The following B3GALT1 variants were observed in gnomAD, a reference collection of about 807,000 sequenced individuals.
B3GALT1 encodes beta-1,3-galactosyltransferase 1, also known as UDP-Gal:betaGlcNAc beta 1,3-galactosyltransferase, polypeptide 1.
In B3GALT1, 10 loss-of-function variants were observed where a neutral mutation model predicts 23.2. That is an observed-to-expected ratio of 0.43 (90% CI 0.27 to 0.73). The LOEUF (loss-of-function observed/expected upper bound fraction) is 0.73. B3GALT1 is among the 30% of genes least tolerant of loss of function. B3GALT1 has a pLI of 0.21. For missense variants in B3GALT1, 299 were observed against 405.4 expected (o/e 0.74, Z 2.25); for synonymous variants, 156 against 141.5 (o/e 1.10, Z -0.73).
chr2:167,444,970 T>C (rs1218713888), intron 1 of B3GALT1, among the ~76,000 whole-genome samples: 4 of 152,234 alleles, frequency 2.6e-5, no homozygotes, highest in African/African-American at 7.2e-5. Context: ...GTGTCAATTT[T>C]AGATCTTTCC....
At chr2:167,606,709 GC>G (rs1558922418) in intron 2 of B3GALT1, among the ~76,000 whole-genome samples, 1 of 152,162 alleles carries the variant, frequency 6.6e-6, no homozygotes, top group East Asian at 1.9e-4. Context: ...AAAGATTGGG[GC>G]AAACTTAAAG....
intron 2 of B3GALT1, among the ~76,000 whole-genome samples, chr2:167,633,682 A>G (rs1377524374): frequency 1.3e-5 from 2 of 152,094 alleles, no homozygotes; most frequent in African/African-American, 2.4e-5. Flanking sequence ...CCAGATTCAT[A>G]AAGCAAGTTC....
intron 3 of B3GALT1, among the ~76,000 whole-genome samples, chr2:167,801,615 T>A (rs924106462): frequency 2.0e-5 from 3 of 152,214 alleles, no homozygotes; most frequent in Non-Finnish European, 4.4e-5. Context: ...TAGCAAATAA[T>A]GCATTATTAA....
At chr2:167,744,516 C>T (rs1399537937) in intron 3 of B3GALT1, among the ~76,000 whole-genome samples, 1 of 151,916 alleles carries the variant, frequency 6.6e-6, no homozygotes, top group Non-Finnish European at 1.5e-5. Context: ...TCAGCTTTTC[C>T]TTGGTTAATA....
At chr2:167,841,742 C>T in intron 4 of B3GALT1, among the ~76,000 whole-genome samples, 1 of 152,098 alleles carries the variant, frequency 6.6e-6, no homozygotes, top group East Asian at 1.9e-4. Context: ...GTAAAATGCC[C>T]TAACCAAGAT....
At chr2:167,355,596 G>T (rs1481946928) in intron 1 of B3GALT1, among the ~76,000 whole-genome samples, 1 of 151,966 alleles carries the variant, frequency 6.6e-6, no homozygotes, top group Non-Finnish European at 1.5e-5. Flanking sequence ...TAGATTTATT[G>T]TTCAGTATTA....
At chr2:167,867,065 T>C (rs1303865841) in intron 4 of B3GALT1, among the ~76,000 whole-genome samples, 2 of 151,814 alleles carry the variant, frequency 1.3e-5, no homozygotes, top group Non-Finnish European at 2.9e-5. Context: ...TAGCTGGGAC[T>C]ACAGGCACCC....
chr2:167,315,326 T>G (rs1696697594), intron 1 of B3GALT1, among the ~76,000 whole-genome samples: 1 of 152,278 alleles, frequency 6.6e-6, no homozygotes, highest in African/African-American at 2.4e-5. Context: ...TAGACTTAGT[T>G]TTTTCTGTTT....
intron 2 of B3GALT1, among the ~76,000 whole-genome samples, chr2:167,514,324 A>G (rs965468845): frequency 1.3e-5 from 2 of 152,256 alleles, no homozygotes; most frequent in Non-Finnish European, 2.9e-5. Context: ...TTGTAAAAGA[A>G]AAATGTTTGG....
At chr2:167,295,923 T>C (rs1356913185) in intron 1 of B3GALT1, among the ~76,000 whole-genome samples, 1 of 152,142 alleles carries the variant, frequency 6.6e-6, no homozygotes, top group African/African-American at 2.4e-5. Context: ...CCATAGGAAA[T>C]ATGTTTAAGC....
intron 2 of B3GALT1, among the ~76,000 whole-genome samples, chr2:167,540,428 T>C (rs1195715800): frequency 2.6e-5 from 4 of 152,200 alleles, no homozygotes; most frequent in African/African-American, 4.8e-5. Flanking sequence ...TTCACAAGCA[T>C]ATTCATGTAT....
At chr2:167,798,200 T>C (rs543130023) in intron 3 of B3GALT1, among the ~76,000 whole-genome samples, 182 of 152,348 alleles carry the variant, frequency 1.2e-3, no homozygotes, top group African/African-American at 4.3e-3. Context: ...CTTTGTCAGA[T>C]GGATAGATTA....
intron 1 of B3GALT1, among the ~76,000 whole-genome samples, chr2:167,349,341 G>T (rs1367964551): frequency 6.6e-6 from 1 of 152,050 alleles, no homozygotes; most frequent in Non-Finnish European, 1.5e-5. Context: ...TATCAAATCT[G>T]TTGCTGCAGT....
intron 3 of B3GALT1, among the ~76,000 whole-genome samples, chr2:167,710,614 A>G (rs1308340559): frequency 6.6e-6 from 1 of 152,258 alleles, no homozygotes; most frequent in African/African-American, 2.4e-5. Flanking sequence ...AAGGAAATGC[A>G]TATATCTACT....
At chr2:167,336,841 T>C (rs1270489484) in intron 1 of B3GALT1, among the ~76,000 whole-genome samples, 1 of 152,172 alleles carries the variant, frequency 6.6e-6, no homozygotes, top group Non-Finnish European at 1.5e-5. Flanking sequence ...CAAGGGCCCA[T>C]ATCCTGAAAT....
chr2:167,447,422 TC>T (rs1358264073), intron 1 of B3GALT1, among the ~76,000 whole-genome samples: 1 of 152,328 alleles, frequency 6.6e-6, no homozygotes. Context: ...TGCAGAAGTT[TC>T]TGCTACCTTT....
At chr2:167,407,565 TA>T (rs55986241) in intron 1 of B3GALT1, among the ~76,000 whole-genome samples, 140,268 of 149,820 alleles carry the variant, frequency 0.94, 66,037 homozygotes, top group Non-Finnish European at 0.99. Flanking sequence ...ATTGAAAAGG[TA>T]AAAAAAAAAA....
chr2:167,403,184 C>T (rs867930687), intron 1 of B3GALT1, among the ~76,000 whole-genome samples: 1 of 132,570 alleles, frequency 7.5e-6, no homozygotes, highest in African/African-American at 2.7e-5. Context: ...CCCCCCACCC[C>T]ACTACAGGCC....
chr2:167,297,328 T>TAATGAGA (rs1290996335), intron 1 of B3GALT1, among the ~76,000 whole-genome samples: 1 of 151,956 alleles, frequency 6.6e-6, no homozygotes, highest in Non-Finnish European at 1.5e-5. Flanking sequence ...AGCATGTTTG[T>TAATGAGA]AATGAGAATT....
Sources: gnomAD v4.1 joint callset for allele counts (sites outside exome capture counted in the v4.1 genomes callset) on GRCh38, gnomAD v4.1.1 for gene constraint, MANE v1.5 for transcripts, NCBI Gene and HGNC (gene_info 2026-07-23, HGNC 2026-07-21) for gene names.